The following TEX9 variants were observed in gnomAD, a reference collection of about 807,000 sequenced individuals.
TEX9 encodes the protein testis expressed 9.
A neutral mutation model predicts 59.6 loss-of-function variants in TEX9; 74 were observed. That is an observed-to-expected ratio of 1.24 (90% CI 1.03 to 1.51). TEX9 has a LOEUF of 1.51. Among genes scored for constraint, TEX9 ranks in the 40% most tolerant of loss-of-function variants. The pLI is 0.00. For synonymous variants in TEX9, 186 were observed against 152.2 expected (o/e 1.22, Z -1.64); for missense variants, 522 against 447.8 (o/e 1.17, Z -1.49).
At chr15:56,450,870 A>G (rs1475294254), downstream of TEX9, among the ~76,000 whole-genome samples, 3 of 152,096 alleles carry the variant, frequency 2.0e-5, no homozygotes, top group African/African-American at 2.4e-5. Context: ...GAGGGTTCCA[A>G]TTTTCCCACT....
intron 1 of TEX9, among the ~76,000 whole-genome samples, chr15:56,324,082 A>G (rs769306746): frequency 3.9e-5 from 6 of 152,130 alleles, no homozygotes; most frequent in Non-Finnish European, 8.8e-5. Flanking sequence ...ATTGGTGCAC[A>G]GCACAAATTA....
chr15:56,300,704 AGAGG>A (rs1282214989), intron 1 of TEX9, among the ~76,000 whole-genome samples: 1,403 of 105,800 alleles, frequency 0.013, 28 homozygotes, highest in African/African-American at 0.045. Flanking sequence ...AGAGAGAGAG[AGAGG>A]GAGAGAGAGA....
intron 1 of TEX9, among the ~76,000 whole-genome samples, chr15:56,343,429 T>G (rs1359103774): frequency 6.6e-6 from 1 of 152,032 alleles, no homozygotes; most frequent in Non-Finnish European, 1.5e-5. Context: ...AAATATATTG[T>G]AGAGAAAAAT....
At chr15:56,351,676 A>G (rs1447024517) in intron 1 of TEX9, among the ~76,000 whole-genome samples, 2 of 152,226 alleles carry the variant, frequency 1.3e-5, no homozygotes, top group Non-Finnish European at 2.9e-5. Context: ...TGCAAATGTC[A>G]TGAATAATCA....
intron 12 of TEX9, among the ~76,000 whole-genome samples, chr15:56,439,869 T>C (rs2050790604): frequency 6.6e-6 from 1 of 150,692 alleles, no homozygotes; most frequent in Admixed American, 6.6e-5. Flanking sequence ...ACAGAAAGCA[T>C]GATCCATAAA....
chr15:56,343,022 A>G (rs2046403139), intron 1 of TEX9, among the ~76,000 whole-genome samples: 1 of 152,198 alleles, frequency 6.6e-6, no homozygotes, highest in South Asian at 2.1e-4. Flanking sequence ...TGCCTTTTCA[A>G]AAGGCTACTG....
At chr15:56,393,165 C>G (rs1201249530) in intron 7 of TEX9, among the ~76,000 whole-genome samples, 2 of 152,244 alleles carry the variant, frequency 1.3e-5, no homozygotes, top group African/African-American at 2.4e-5. Flanking sequence ...TCATGCTTTC[C>G]TATTTTTTCT....
intron 1 of TEX9, among the ~76,000 whole-genome samples, chr15:56,251,230 T>G (rs1368908193): frequency 6.6e-6 from 1 of 152,232 alleles, no homozygotes; most frequent in Non-Finnish European, 1.5e-5. Flanking sequence ...CTGATGTTAG[T>G]ATGTTTTTGT....
At position 56,327,692 on chromosome 15, in the gene TEX9, C is replaced by T. The variant is rs1264057874; in HGVS notation, c.-106-45749C>T. Among the ~76,000 whole-genome samples, 20 of 152,062 alleles carry T rather than the reference C, an allele frequency of 1.3e-4. 1 individual carries two copies. Among genetic ancestry groups the T allele is most frequent in the African/African-American group, 4.6e-4 (19 of 41,396 alleles). On this transcript the variant is annotated intron_variant, in intron 1 of 5. Transcript: ENST00000560827. The stretch of plus-strand genomic sequence containing the variant: ...TGCAGAAGGAGAATCTGTGCGTTTG[C>T]GAGAGGGAGATTGCAGCGATTGCAG...
At chr15:56,319,766 A>G (rs2045861722) in intron 1 of TEX9, among the ~76,000 whole-genome samples, 1 of 152,186 alleles carries the variant, frequency 6.6e-6, no homozygotes, top group Non-Finnish European at 1.5e-5. Flanking sequence ...AGTTTGTATG[A>G]GCCAGTGTTA....
At chr15:56,401,643 T>C (rs1215022062) in intron 9 of TEX9, among the ~76,000 whole-genome samples, 1 of 152,168 alleles carries the variant, frequency 6.6e-6, no homozygotes. Flanking sequence ...GCAGACCTTA[T>C]AGACATCTAC....
At chr15:56,335,977 T>C (rs2046248885) in intron 1 of TEX9, among the ~76,000 whole-genome samples, 1 of 152,218 alleles carries the variant, frequency 6.6e-6, no homozygotes, top group South Asian at 2.1e-4. Context: ...ATACTGCTGC[T>C]ACTTCAACTT....
At chr15:56,268,393 A>G (rs541554011) in intron 1 of TEX9, among the ~76,000 whole-genome samples, 37 of 152,224 alleles carry the variant, frequency 2.4e-4, no homozygotes, top group African/African-American at 7.7e-4. Context: ...GGGAATCCCT[A>G]TCTTGTGCCA....
chr15:56,440,839 C>T (rs1050588422), intron 12 of TEX9, among the ~76,000 whole-genome samples: 45 of 152,060 alleles, frequency 3.0e-4, no homozygotes, highest in African/African-American at 1.1e-3. Context: ...AGCTGAATAA[C>T]ATTTTATTAC....
chr15:56,310,826 A>G (rs1190935406), intron 1 of TEX9, among the ~76,000 whole-genome samples: 1 of 152,204 alleles, frequency 6.6e-6, no homozygotes, highest in African/African-American at 2.4e-5. Flanking sequence ...AGGAGTTCCA[A>G]TGCCAGTCCT....
intron 1 of TEX9, among the ~76,000 whole-genome samples, chr15:56,285,980 G>T (rs2044944140): frequency 6.6e-6 from 1 of 152,126 alleles, no homozygotes; most frequent in South Asian, 2.1e-4. Flanking sequence ...AGTTTAAAGT[G>T]CAAGATAGGC....
intron 1 of TEX9, among the ~76,000 whole-genome samples, chr15:56,271,429 G>C (rs563365278): frequency 3.3e-5 from 5 of 152,090 alleles, no homozygotes; most frequent in Middle Eastern, 3.4e-3. Context: ...AATGGAATCG[G>C]CTACTGAAGC....
intron 12 of TEX9, among the ~76,000 whole-genome samples, chr15:56,442,179 T>A (rs2050827210): frequency 6.6e-6 from 1 of 151,982 alleles, no homozygotes; most frequent in Admixed American, 6.5e-5. Context: ...AAAACCACAA[T>A]GAGATACTAT....
At chr15:56,282,241 C>T (rs537969322) in intron 1 of TEX9, among the ~76,000 whole-genome samples, 1 of 152,056 alleles carries the variant, frequency 6.6e-6, no homozygotes, top group Non-Finnish European at 1.5e-5. Context: ...ATAAATAAAT[C>T]ACTTAAAACG....
Sources: allele counts gnomAD v4.1 joint callset (sites outside exome capture counted in the v4.1 genomes callset), GRCh38; gene constraint gnomAD v4.1.1; transcripts MANE v1.5; gene names NCBI Gene and HGNC (gene_info 2026-07-23, HGNC 2026-07-21).